The following TEAD4 variants were observed in gnomAD, a reference collection of about 807,000 sequenced individuals.
TEAD4 encodes transcriptional enhancer factor TEF-3.
A neutral mutation model predicts 52.4 loss-of-function variants in TEAD4; 36 were observed. The ratio of observed to expected loss-of-function variants is 0.69; its 90% confidence interval spans 0.53 to 0.91. The LOEUF (loss-of-function observed/expected upper bound fraction) is 0.91, where lower values mean the gene tolerates loss of function less well. TEAD4 is among the 40% of genes least tolerant of loss of function. The probability of loss-of-function intolerance (pLI) is 0.00; values close to 1 mark genes in which losing one functional copy is unlikely to be tolerated. For missense variants in TEAD4, 508 were observed against 583.9 expected (o/e 0.87, Z 1.34); for synonymous variants, 220 against 231.0 (o/e 0.95, Z 0.43).
chr12:2,983,520 A>G (rs2153954069), intron 2 of TEAD4, among the ~76,000 whole-genome samples: 1 of 152,290 alleles, frequency 6.6e-6, no homozygotes, highest in Middle Eastern at 3.4e-3. Flanking sequence ...CAGATAAGCA[A>G]AATGAGGCCC....
chr12:3,025,392 T>A (rs781157334), intron 10 of TEAD4, among the ~76,000 whole-genome samples: 1 of 152,246 alleles, frequency 6.6e-6, no homozygotes, highest in Non-Finnish European at 1.5e-5. Flanking sequence ...TAAGAAAAGA[T>A]GCATGGTACA....
rs114879496 is a variant in TEAD4, at chr12:2,960,817, C to T, written c.-30+777C>T. On this transcript the variant is annotated intron_variant, in intron 2 of 12. Transcript: ENST00000359864. ...GATGTTGGTTCTGGCTAGGACTGTT[C>T]TTCCTCCCTACATAGCCGTGGGCAA... is the stretch of plus-strand genomic sequence containing the variant. Among the ~76,000 whole-genome samples the T allele has an allele frequency of 9.3e-3, 1,410 of 152,302 alleles. 22 individuals are homozygous for T. The highest frequency in any genetic ancestry group is 0.028 in the African/African-American group (1,144 of 41,554).
chr12:2,972,491 CTTTTT>C (rs751852771), intron 2 of TEAD4, among the ~76,000 whole-genome samples: 3 of 34,750 alleles, frequency 8.6e-5, no homozygotes, highest in Non-Finnish European at 1.4e-4. Context: ...CAGCATGTCT[CTTTTT>C]TTTTTTTTTT....
At chr12:2,964,963 C>T (rs2098219065) in intron 2 of TEAD4, among the ~76,000 whole-genome samples, 1 of 152,064 alleles carries the variant, frequency 6.6e-6, no homozygotes, top group African/African-American at 2.4e-5. Context: ...GCCGGATTCT[C>T]ACAGATAGGC....
intron 2 of TEAD4, among the ~76,000 whole-genome samples, chr12:2,963,802 CATTTA>C (rs944971161): frequency 1.3e-5 from 2 of 152,190 alleles, no homozygotes; most frequent in Non-Finnish European, 1.5e-5. Flanking sequence ...CGTCCTCCTG[CATTTA>C]ATACAGGGGG....
rs145312283 is a variant in TEAD4 at position 2,994,368 on chromosome 12, G to T, written c.-29-370G>T. Among the ~76,000 whole-genome samples the T allele has an allele frequency of 3.7e-4, 57 of 152,276 alleles. No homozygotes were observed. Among genetic ancestry groups the T allele is most frequent in the Non-Finnish European group, 1.2e-4 (8 of 68,020 alleles). On this transcript the variant is annotated intron_variant, in intron 2 of 12. Transcript: ENST00000359864. This position sits in a 1 kb window ranked among gnomAD's most constrained non-coding sequence, Gnocchi z 4.7. ...TGGGATTACAGGCGTGAGCCACAGC[G>T]CCCGGCCTGTACCATTTTGCATTCC... is the stretch of plus-strand genomic sequence containing the variant.
intron 5 of TEAD4, 148 bp downstream of exon 5, chr12:3,012,380 T>G (rs1393590003): frequency 3.6e-6 from 3 of 823,814 alleles, no homozygotes; most frequent in Admixed American, 2.6e-5. Flanking sequence ...CTGTAACCTC[T>G]CTCCCATCCG....
intron 3 of TEAD4, among the ~76,000 whole-genome samples, chr12:3,003,065 A>G (rs938059936): frequency 6.6e-6 from 1 of 152,070 alleles, no homozygotes; most frequent in Non-Finnish European, 1.5e-5. Flanking sequence ...CTTCCAGGCC[A>G]TTGGGGATTA....
chr12:3,022,141 G>T, intron 10 of TEAD4, 124 bp downstream of exon 10: 4 of 1,295,032 alleles, frequency 3.1e-6, no homozygotes, highest in East Asian at 2.3e-5. Flanking sequence ...CCAGTGAGAA[G>T]GGGAGAGTAA....
chr12:2,967,308 C>T (rs11062434), intron 2 of TEAD4, among the ~76,000 whole-genome samples: 14,526 of 152,028 alleles, frequency 0.096, 2,264 homozygotes, highest in African/African-American at 0.32. Context: ...TACTCTATCC[C>T]GTTTTTTTCC....
chr12:3,027,330 C>G (rs895710264), intron 10 of TEAD4, among the ~76,000 whole-genome samples: 1 of 152,148 alleles, frequency 6.6e-6, no homozygotes, highest in African/African-American at 2.4e-5. Context: ...TGGTCCTTGT[C>G]TTTCCAGCTG....
intron 5 of TEAD4, chr12:3,016,996 C>A: frequency 2.3e-6 from 1 of 439,222 alleles, no homozygotes; most frequent in South Asian, 1.6e-5. Context: ...GCCCGTGTGG[C>A]CAGGGATGAT....
chr12:2,993,751 T>G (rs2098244994), intron 2 of TEAD4, among the ~76,000 whole-genome samples: 1 of 152,088 alleles, frequency 6.6e-6, no homozygotes, highest in South Asian at 2.1e-4. Context: ...GTGCTGGGAG[T>G]ATAGGCATGA....
intron 10 of TEAD4, among the ~76,000 whole-genome samples, chr12:3,031,363 G>T (rs950753698): frequency 1.1e-4 from 16 of 152,356 alleles, no homozygotes; most frequent in Middle Eastern, 3.4e-3. Context: ...CGGAGACCCA[G>T]TTGGCAGTGG....
chr12:2,994,760 C>A lies in TEAD4; in HGVS notation c.-7C>A. ...CAGGTCCAACGAGCGCTCCTCCAAGCGGAGCCTTGGAGGGCACGGCCGGCA... is the reference window on the plus strand; with the variant it reads ...CAGGTCCAACGAGCGCTCCTCCAAGAGGAGCCTTGGAGGGCACGGCCGGCA... On this transcript the variant is annotated 5_prime_UTR_variant, in exon 3 of 13. Coordinates refer to ENST00000359864, the MANE Select transcript of TEAD4 (RefSeq NM_003213.4). The surrounding 1 kb of genome is among the most constrained non-coding windows in gnomAD (Gnocchi z 4.7). The A allele has an allele frequency of 6.2e-7, 1 of 1,601,032 alleles. No homozygotes were observed. The highest frequency in any genetic ancestry group is 8.5e-7 in the Non-Finnish European group (1 of 1,173,258).
intron 3 of TEAD4, among the ~76,000 whole-genome samples, chr12:3,007,908 TACTC>T (rs1296146222): frequency 6.6e-6 from 1 of 152,220 alleles, no homozygotes; most frequent in Non-Finnish European, 1.5e-5. Context: ...GTATTTAACT[TACTC>T]CTTTGTCTTA....
At chr12:2,982,653 G>A (rs545265348) in intron 2 of TEAD4, among the ~76,000 whole-genome samples, 4 of 152,294 alleles carry the variant, frequency 2.6e-5, no homozygotes, top group East Asian at 1.9e-4. Flanking sequence ...GGAGAAGCTC[G>A]CCAGTGACGG....
chr12:2,997,419 C>T (rs1365734926), intron 3 of TEAD4, among the ~76,000 whole-genome samples: 3 of 152,130 alleles, frequency 2.0e-5, no homozygotes, highest in Admixed American at 1.3e-4. Flanking sequence ...GTGTTCGGTG[C>T]TTTGCAGAGG....
intron 2 of TEAD4, among the ~76,000 whole-genome samples, chr12:2,989,226 G>A (rs1362943134): frequency 2.6e-5 from 4 of 151,758 alleles, no homozygotes; most frequent in African/African-American, 9.7e-5. Flanking sequence ...ATAGGTATGA[G>A]CCACCATGCC....
Sources: allele counts gnomAD v4.1 joint callset (sites outside exome capture counted in the v4.1 genomes callset), GRCh38; gene constraint gnomAD v4.1.1; non-coding constraint Gnocchi (gnomAD v3.1); transcripts MANE v1.5; gene names NCBI Gene and HGNC (gene_info 2026-07-23, HGNC 2026-07-21).